Variants in BLTP3A observed in about 807,000 individuals in gnomAD.
BLTP3A encodes the protein bridge-like lipid transfer protein family member 3A, also known as ICBP90 binding protein 1.
At chr6:34,825,064 C>T in the BLTP3A span, among the ~76,000 whole-genome samples, 10 of 152,094 alleles carry the variant, frequency 6.6e-5, no homozygotes, top group East Asian at 3.8e-4. Flanking sequence ...ATAATTATAT[C>T]CCACCACACA....
chr6:34,836,137 C>T, the BLTP3A span: 1 of 1,607,318 alleles, frequency 6.2e-7, no homozygotes, highest in Non-Finnish European at 8.5e-7. Context: ...CTTCCTGTTT[C>T]TCTCTCTGTC....
the BLTP3A span, among the ~76,000 whole-genome samples, chr6:34,861,035 C>T: frequency 6.6e-6 from 1 of 152,308 alleles, no homozygotes; most frequent in East Asian, 1.9e-4. Flanking sequence ...CTGAAGGAGT[C>T]TTCTTTTTCC....
the BLTP3A span, among the ~76,000 whole-genome samples, chr6:34,844,188 TAGTC>T: frequency 6.6e-6 from 1 of 152,128 alleles, no homozygotes; most frequent in Non-Finnish European, 1.5e-5. Context: ...TTCACCATGT[TAGTC>T]AGGATGGTCT....
At chr6:34,836,408 G>C in the BLTP3A span, 1 of 1,501,530 alleles carries the variant, frequency 6.7e-7, no homozygotes, top group Non-Finnish European at 9.1e-7. Flanking sequence ...GCTCTGGGCA[G>C]AGCCTGGGGA....
At chr6:34,835,402 C>G in the BLTP3A span, 2 of 1,614,048 alleles carry the variant, frequency 1.2e-6, no homozygotes, top group African/African-American at 2.7e-5. Context: ...TGCAGAGTCA[C>G]TGAGTGAAGC....
the BLTP3A span, chr6:34,834,970 T>C: frequency 7.3e-7 from 1 of 1,368,056 alleles, no homozygotes; most frequent in East Asian, 2.3e-5. Context: ...GGAATGACAG[T>C]TGAAGGGGGA....
the BLTP3A span, chr6:34,858,229 C>T: frequency 1.9e-6 from 3 of 1,614,236 alleles, no homozygotes; most frequent in Non-Finnish European, 2.5e-6. Flanking sequence ...TCATGCTCCA[C>T]ATTGTAGTTG....
the BLTP3A span, among the ~76,000 whole-genome samples, chr6:34,798,684 T>G: frequency 1.3e-5 from 2 of 151,412 alleles, no homozygotes; most frequent in East Asian, 1.9e-4. Flanking sequence ...TCTGAGGTAT[T>G]TAAAATTTTA....
the BLTP3A span, among the ~76,000 whole-genome samples, chr6:34,843,362 G>A: frequency 6.6e-6 from 1 of 151,716 alleles, no homozygotes; most frequent in African/African-American, 2.4e-5. Context: ...ATTTAATTCT[G>A]TAATAGTTAT....
At chr6:34,802,401 G>C in the BLTP3A span, among the ~76,000 whole-genome samples, 24 of 141,696 alleles carry the variant, frequency 1.7e-4, no homozygotes, top group Admixed American at 1.7e-3. Flanking sequence ...ACGGAGTCTT[G>C]CCATGTTGCC....
chr6:34,812,148 G>GT, the BLTP3A span, among the ~76,000 whole-genome samples: 42 of 152,202 alleles, frequency 2.8e-4, no homozygotes, highest in East Asian at 7.4e-3. Context: ...GGCCAACATG[G>GT]TGAAACCCCA....
the BLTP3A span, chr6:34,834,824 C>T: frequency 2.0e-5 from 32 of 1,614,034 alleles, no homozygotes; most frequent in Admixed American, 2.2e-4. Flanking sequence ...AGGCTTATTA[C>T]GAACCAAGGC....
the BLTP3A span, among the ~76,000 whole-genome samples, chr6:34,826,026 A>ATTCTTTTTTTTTTTTTTTTTTTTTTTTTT: frequency 3.9e-5 from 3 of 76,648 alleles, no homozygotes; most frequent in African/African-American, 7.4e-5. Context: ...TACATTTTGC[A>ATTCTTTTTTTTTTTTTTTTTTTTTTTTTT]TTTTTTTTTT....
the BLTP3A span, among the ~76,000 whole-genome samples, chr6:34,862,834 A>AG: frequency 1.0e-5 from 1 of 99,746 alleles, no homozygotes; most frequent in Non-Finnish European, 2.0e-5. Context: ...ACTCCATCTC[A>AG]AAAAAAAAAA....
chr6:34,868,647 C>T, the BLTP3A span, among the ~76,000 whole-genome samples: 15 of 151,566 alleles, frequency 9.9e-5, no homozygotes, highest in South Asian at 6.2e-4. Context: ...TTGCTTGAAC[C>T]GGGGAGGCGG....
chr6:34,842,410 T>G, the BLTP3A span, among the ~76,000 whole-genome samples: 1 of 152,222 alleles, frequency 6.6e-6, no homozygotes, highest in Non-Finnish European at 1.5e-5. Flanking sequence ...AGAAACCCTG[T>G]ATCCATTTGC....
the BLTP3A span, among the ~76,000 whole-genome samples, chr6:34,842,221 GATA>G: frequency 1.5e-4 from 23 of 152,266 alleles, no homozygotes; most frequent in South Asian, 4.1e-4. Flanking sequence ...TCTCAGCTGA[GATA>G]ATATCACCCC....
chr6:34,844,424 G>A, the BLTP3A span, among the ~76,000 whole-genome samples: 10 of 152,236 alleles, frequency 6.6e-5, no homozygotes, highest in South Asian at 1.5e-3. Context: ...ACAGGCACTC[G>A]TGACCATGAC....
the BLTP3A span, among the ~76,000 whole-genome samples, chr6:34,800,927 C>T: frequency 6.6e-6 from 1 of 152,008 alleles, no homozygotes. Flanking sequence ...TGGGGTTTCA[C>T]CATGTTGGCC....
Sources: gnomAD v4.1 joint callset for allele counts (sites outside exome capture counted in the v4.1 genomes callset) on GRCh38, gnomAD v4.1.1 for gene constraint, MANE v1.5 for transcripts, NCBI Gene and HGNC (gene_info 2026-07-23, HGNC 2026-07-21) for gene names.